Variants in ARID3A observed in about 807,000 individuals in gnomAD.
ARID3A encodes the protein AT-rich interaction domain 3A, also known as AT-rich interactive domain-containing protein 3A.
Under a neutral mutation model 52.7 loss-of-function variants are expected in ARID3A, and 11 were observed. The observed-to-expected ratio is 0.21, with a 90% CI of 0.13 to 0.35. The LOEUF is 0.35. ARID3A is among the 10% of genes least tolerant of loss of function. The pLI is 1.00. For missense variants in ARID3A, 721 were observed against 838.5 expected (o/e 0.86, Z 1.73); for synonymous variants, 404 against 359.4 (o/e 1.12, Z -1.40).
At chr19:961,941 G>T in intron 4 of ARID3A, 1 of 152,252 alleles carries the variant, frequency 6.6e-6, no homozygotes, top group Non-Finnish European at 1.5e-5. Flanking sequence ...AGCAGGCATG[G>T]TAGGCTGCTC....
In ARID3A at chr19:973,134, G is replaced by GTTTTTTTTTTT. The variant is rs2038317534; in HGVS notation, c.*1073_*1074insTTTTTTTTTTT. On this transcript the variant is annotated 3_prime_UTR_variant, in exon 9 of 9. Transcript: ENST00000263620. ...TTTTTTTTTTTTTTTTTGAGACGGAGTTTTGCTCTTGTCGCCCAGGCTGGA... is the reference window on the plus strand; with the variant it reads ...TTTTTTTTTTTTTTTTTGAGACGGAGTTTTTTTTTTTTTTTGCTCTTGTCGCCCAGGCTGGA... The GTTTTTTTTTTT allele has an allele frequency of 2.0e-4, 2 of 9,868 alleles. No homozygotes were observed. The highest frequency in any genetic ancestry group is 3.2e-4 in the Non-Finnish European group (1 of 3,096). 0.6% of individuals were successfully genotyped at this position (9,868 alleles called of 1,614,324 possible).
chr19:954,654 G>A (rs958740582), intron 3 of ARID3A, among the ~76,000 whole-genome samples: 9 of 152,222 alleles, frequency 5.9e-5, no homozygotes, highest in South Asian at 2.1e-4. Context: ...GCCGGTGGTC[G>A]GTAAAGGTGG....
rs921785144 is a variant in ARID3A at position 941,814 on chromosome 19, G to A, written c.693+9072G>A. Among the ~76,000 whole-genome samples the A allele has an allele frequency of 1.4e-5, 2 of 137,998 alleles. No homozygotes were observed. 90.5% of individuals were successfully genotyped at this position (137,998 alleles called of 152,430 possible). A position where few individuals can be genotyped will look rare whatever the true frequency, so the allele number is the denominator to read the frequency against. ...GTGTGTGTGTGTGTGTGTGTCAGGG[G>A]TGGCTGCAAGCGTATGTGTGTGTGC... On this transcript the variant is annotated intron_variant, in intron 3 of 8. Coordinates refer to ENST00000263620, the MANE Select transcript of ARID3A (RefSeq NM_005224.3). The surrounding 1 kb of genome is among the most constrained non-coding windows in gnomAD (Gnocchi z 6.9).
chr19:933,849 G>A (rs906092123), intron 3 of ARID3A, among the ~76,000 whole-genome samples: 3 of 148,094 alleles, frequency 2.0e-5, no homozygotes, highest in Non-Finnish European at 3.0e-5. Flanking sequence ...GACTCGGTGG[G>A]GGGGGGGGGC....
chr19:929,999 C>G lies in ARID3A; in HGVS notation c.368+103C>G. ...GAGTAAGGGTCAGGTCGCGGGATCT[C>G]CTTCCTGTAATTCCAGCAGTTTGAG... On this transcript the variant is annotated intron_variant, in intron 2 of 8. Transcript: ENST00000263620. The surrounding 1 kb of genome is among the most constrained non-coding windows in gnomAD (Gnocchi z 6.2). 6.9e-7 allele frequency: 1 copy of G among 1,454,434 alleles called. No homozygotes were observed. Among genetic ancestry groups the G allele is most frequent in the Non-Finnish European group, 9.1e-7 (1 of 1,094,284 alleles). The allele number at this position is 1,454,434 out of a possible 1,614,324, so 90.1% of individuals were successfully genotyped here.
chr19:950,968 A>G (rs2145415947), intron 3 of ARID3A, among the ~76,000 whole-genome samples: 1 of 151,874 alleles, frequency 6.6e-6, no homozygotes, highest in African/African-American at 2.4e-5. Flanking sequence ...GGTTACGGGC[A>G]TGCACCACCA....
intron 3 of ARID3A, among the ~76,000 whole-genome samples, chr19:958,405 G>A (rs1226400160): frequency 5.5e-5 from 8 of 145,088 alleles, no homozygotes; most frequent in Admixed American, 4.8e-4. Flanking sequence ...TCCAGCCTGG[G>A]CGACAGAGCG....
rs571855227 is a variant in ARID3A, at chr19:960,569, G to A, written c.766+405G>A. ...GGGCTGGCCAGGTGGGTGCAGGTGCGGCAGGACAGAAGCCCCCCGCCCGGC... is the reference window on the plus strand; with the variant it reads ...GGGCTGGCCAGGTGGGTGCAGGTGCAGCAGGACAGAAGCCCCCCGCCCGGC... On this transcript the variant is annotated intron_variant, in intron 4 of 8. Transcript: ENST00000263620. This position sits in a 1 kb window ranked among gnomAD's most constrained non-coding sequence, Gnocchi z 4.3. Among the ~76,000 whole-genome samples, 46 of 152,140 alleles carry A rather than the reference G, an allele frequency of 3.0e-4. No homozygotes were observed. In the South Asian group the frequency reaches 8.9e-3, roughly 30 times the overall value.
rs751700410 is a variant in ARID3A at position 964,439 on chromosome 19, G to A, written c.950+8G>A. On this transcript the variant is annotated splice_region_variant and intron_variant, in intron 5 of 8. Transcript: ENST00000263620. This position sits in a 1 kb window ranked among gnomAD's most constrained non-coding sequence, Gnocchi z 5.7. The stretch of plus-strand genomic sequence containing the variant: ...CTTCACCCTGCGGACCCAGTGAGTG[G>A]CGGACGGTTGTGCCGAGGTCGGGCC... 63 of 1,578,604 alleles carry A rather than the reference G, an allele frequency of 4.0e-5. No homozygotes were observed. The East Asian group carries it at 1.4e-3, about 35-fold the overall frequency.
intron 3 of ARID3A, among the ~76,000 whole-genome samples, chr19:945,516 G>C (rs1012799402): frequency 6.6e-6 from 1 of 152,172 alleles, no homozygotes; most frequent in Non-Finnish European, 1.5e-5. Flanking sequence ...GCAGAGCCTT[G>C]AGTGACTCCT....
chr19:961,322 G>GC (rs920621881), intron 4 of ARID3A, among the ~76,000 whole-genome samples: 57 of 152,100 alleles, frequency 3.7e-4, no homozygotes, highest in African/African-American at 1.1e-3. Flanking sequence ...AGGGTTGTGG[G>GC]CCCCCTGGCC....
chr19:958,427 CAAAAAA>C (rs35996712), intron 3 of ARID3A, among the ~76,000 whole-genome samples: 1 of 85,936 alleles, frequency 1.2e-5, no homozygotes, highest in Non-Finnish European at 2.5e-5. Flanking sequence ...GACTCCATCT[CAAAAAA>C]AAAAAAAAAA....
chr19:948,337 G>A (rs1424100727), intron 3 of ARID3A, among the ~76,000 whole-genome samples: 1 of 152,080 alleles, frequency 6.6e-6, no homozygotes, highest in Non-Finnish European at 1.5e-5. Flanking sequence ...GGCTGGCCCT[G>A]TGGTCCACGC....
chr19:951,593 C>T (rs2037804568), intron 3 of ARID3A, among the ~76,000 whole-genome samples: 1 of 151,994 alleles, frequency 6.6e-6, no homozygotes, highest in Non-Finnish European at 1.5e-5. Context: ...AACCAAACCT[C>T]AGAGTTCCCC....
intron 3 of ARID3A, among the ~76,000 whole-genome samples, chr19:950,612 G>C (rs1323995484): frequency 6.6e-6 from 1 of 152,194 alleles, no homozygotes; most frequent in Non-Finnish European, 1.5e-5. Flanking sequence ...TCTGGGAGCA[G>C]TAGGGAGCCA....
rs118057412 is a variant in ARID3A, at chr19:954,755, G to A, written c.694-5337G>A. On this transcript the variant is annotated intron_variant, in intron 3 of 8. Coordinates refer to ENST00000263620, the MANE Select transcript of ARID3A (RefSeq NM_005224.3). ...GGGAATGACCACAGGGGACCCAGAC[G>A]AAGGGAAGGGGCTGAGAAGGCCTCG... Among the ~76,000 whole-genome samples, 1,034 of 151,896 alleles carry A rather than the reference G, an allele frequency of 6.8e-3. 6 individuals are homozygous for A. The highest frequency in any genetic ancestry group is 9.2e-3 in the Non-Finnish European group (627 of 67,942).
At chr19:957,266 G>A (rs2037942120) in intron 3 of ARID3A, among the ~76,000 whole-genome samples, 1 of 152,142 alleles carries the variant, frequency 6.6e-6, no homozygotes, top group South Asian at 2.1e-4. Context: ...ATAGCTGGAG[G>A]CTGAGACTCC....
At chr19:932,963 G>A (rs960590269) in intron 3 of ARID3A, among the ~76,000 whole-genome samples, 10 of 152,310 alleles carry the variant, frequency 6.6e-5, no homozygotes, top group East Asian at 1.9e-4. Context: ...GCACCCGGCC[G>A]GGTAGGAGAA....
intron 8 of ARID3A, among the ~76,000 whole-genome samples, chr19:969,508 G>A (rs771443947): frequency 3.3e-5 from 5 of 151,670 alleles, no homozygotes; most frequent in South Asian, 2.1e-4. Flanking sequence ...TTGCACTCCA[G>A]CCTGGGTGAA....
Sources: allele counts gnomAD v4.1 joint callset (sites outside exome capture counted in the v4.1 genomes callset), GRCh38; gene constraint gnomAD v4.1.1; non-coding constraint Gnocchi (gnomAD v3.1); transcripts MANE v1.5; gene names NCBI Gene and HGNC (gene_info 2026-07-23, HGNC 2026-07-21).